The following TRHDE variants were observed in gnomAD, a reference collection of about 807,000 sequenced individuals.
The protein encoded by TRHDE is thyrotropin-releasing hormone-degrading ectoenzyme.
In TRHDE, 72 loss-of-function variants were observed where a neutral mutation model predicts 125.7. The ratio of observed to expected loss-of-function variants is 0.57; its 90% CI spans 0.47 to 0.70. The LOEUF is 0.70. Among genes scored for constraint, TRHDE ranks in the 30% least tolerant of loss-of-function variants. TRHDE has a pLI of 0.00. For synonymous variants in TRHDE, 509 were observed against 509.1 expected (o/e 1.00, Z 0.00); for missense variants, 1,110 against 1,327.1 (o/e 0.84, Z 2.54).
At chr12:72,143,840 C>T (rs1230147122) in intron 2 of TRHDE, among the ~76,000 whole-genome samples, 3 of 152,206 alleles carry the variant, frequency 2.0e-5, no homozygotes, top group Non-Finnish European at 2.9e-5. Context: ...GTCCAGATGA[C>T]AATATAGTAT....
intron 2 of TRHDE, among the ~76,000 whole-genome samples, chr12:72,171,356 G>T (rs1021164205): frequency 6.6e-6 from 1 of 152,190 alleles, no homozygotes; most frequent in East Asian, 1.9e-4. Flanking sequence ...GTATAAATGT[G>T]AGAAGGGCTC....
At chr12:72,171,830 C>T (rs1168074538) in intron 2 of TRHDE, among the ~76,000 whole-genome samples, 1 of 152,176 alleles carries the variant, frequency 6.6e-6, no homozygotes, top group Non-Finnish European at 1.5e-5. Flanking sequence ...ATATTGTCAC[C>T]TGTCCATGCC....
At chr12:72,197,715 T>C (rs1027791092) in intron 2 of TRHDE, among the ~76,000 whole-genome samples, 38 of 152,100 alleles carry the variant, frequency 2.5e-4, no homozygotes, top group African/African-American at 8.9e-4. Context: ...AGGGTCTTGA[T>C]ATTGTTCCCT....
chr12:72,252,756 C>T (rs1157264867), intron 2 of TRHDE, among the ~76,000 whole-genome samples: 1 of 152,030 alleles, frequency 6.6e-6, no homozygotes, highest in Admixed American at 6.6e-5. Flanking sequence ...TTGAGTCTTC[C>T]AATTTGTGAC....
intron 2 of TRHDE, among the ~76,000 whole-genome samples, chr12:72,189,732 C>A (rs1184200654): frequency 6.6e-6 from 1 of 152,162 alleles, no homozygotes; most frequent in South Asian, 2.1e-4. Context: ...ACATATCCCA[C>A]ATTTGGGAAT....
In TRHDE at chr12:72,470,450, T is replaced by G. The variant is rs1876587559; in HGVS notation, c.1470+538T>G. 2.6e-5 allele frequency among the ~76,000 whole-genome samples: 4 copies of G among 152,252 alleles called. No homozygotes were observed. The South Asian group carries it at 8.3e-4, about 31-fold the overall frequency. ...GTCTTGGCATGTTTAGAAATTCATA[T>G]GTAAATTTGCCAACTTTGTAGTGAA... On this transcript the variant is annotated intron_variant, in intron 4 of 18. Transcript: ENST00000261180.
intron 7 of TRHDE, among the ~76,000 whole-genome samples, chr12:72,561,383 A>G (rs1870169658): frequency 6.6e-6 from 1 of 152,240 alleles, no homozygotes; most frequent in African/African-American, 2.4e-5. Context: ...CTTTTACAAT[A>G]TAACACTATT....
At chr12:72,491,937 G>T (rs1055388094) in intron 5 of TRHDE, among the ~76,000 whole-genome samples, 1 of 151,946 alleles carries the variant, frequency 6.6e-6, no homozygotes, top group Non-Finnish European at 1.5e-5. Context: ...GGAGTCTTGT[G>T]ATCATGTACC....
intron 6 of TRHDE, among the ~76,000 whole-genome samples, chr12:72,502,777 T>C (rs1278125504): frequency 6.6e-6 from 1 of 152,190 alleles, no homozygotes; most frequent in Non-Finnish European, 1.5e-5. Context: ...ACTCACGTAG[T>C]ACCAAATCAA....
chr12:72,145,683 A>G (rs11179086), intron 2 of TRHDE, among the ~76,000 whole-genome samples: 11,159 of 152,188 alleles, frequency 0.073, 688 homozygotes, highest in African/African-American at 0.16. Flanking sequence ...CAAAGACCGA[A>G]TCCTTTCTGT....
intron 2 of TRHDE, among the ~76,000 whole-genome samples, chr12:72,368,342 G>C (rs1239807273): frequency 6.6e-6 from 1 of 152,074 alleles, no homozygotes; most frequent in Non-Finnish European, 1.5e-5. Context: ...TCTGACAACT[G>C]AATGTGTCTT....
intron 2 of TRHDE, chr12:72,255,459 C>G (rs1044395158): frequency 6.6e-6 from 1 of 152,228 alleles, no homozygotes; most frequent in Non-Finnish European, 1.5e-5. Context: ...TGAGTAGGTT[C>G]CCCAAGGTTC....
chr12:72,662,966 T>G, intron 18 of TRHDE, 86 bp from the exon 19 acceptor site: 3 of 1,384,982 alleles, frequency 2.2e-6, no homozygotes, highest in Non-Finnish European at 3.0e-6. Flanking sequence ...TTTTTTAATG[T>G]TTCAAATAGA....
intron 2 of TRHDE, among the ~76,000 whole-genome samples, chr12:72,186,781 C>CTTT (rs199825088): frequency 6.8e-6 from 1 of 147,226 alleles, no homozygotes; most frequent in African/African-American, 2.5e-5. Context: ...AGACATGGAT[C>CTTT]TTTTTTTTTT....
intron 2 of TRHDE, among the ~76,000 whole-genome samples, chr12:72,153,082 T>C (rs1455349668): frequency 6.6e-6 from 1 of 152,196 alleles, no homozygotes; most frequent in African/African-American, 2.4e-5. Context: ...GCTCCTGTTA[T>C]TGGTCTATTC....
intron 12 of TRHDE, among the ~76,000 whole-genome samples, chr12:72,580,928 T>C (rs1246328582): frequency 6.6e-6 from 1 of 151,938 alleles, no homozygotes; most frequent in Non-Finnish European, 1.5e-5. Flanking sequence ...CATTAAGGAG[T>C]AAAGAATTAG....
intron 6 of TRHDE, among the ~76,000 whole-genome samples, chr12:72,538,987 A>G (rs143715517): frequency 1.2e-3 from 182 of 151,882 alleles, no homozygotes; most frequent in African/African-American, 4.1e-3. Flanking sequence ...CTGTCTTTCC[A>G]TATAAACTTC....
At chr12:72,131,643 G>A (rs142648209) in intron 2 of TRHDE, among the ~76,000 whole-genome samples, 3 of 152,070 alleles carry the variant, frequency 2.0e-5, no homozygotes, top group East Asian at 3.9e-4. Context: ...CTCAAATATC[G>A]GTTATTCAAT....
At chr12:72,645,997 A>T (rs1422966107) in intron 15 of TRHDE, among the ~76,000 whole-genome samples, 1 of 152,130 alleles carries the variant, frequency 6.6e-6, no homozygotes, top group East Asian at 1.9e-4. Context: ...AAATAAAAGG[A>T]TGCTAAACAG....
Sources: allele counts gnomAD v4.1 joint callset (sites outside exome capture counted in the v4.1 genomes callset), GRCh38; gene constraint gnomAD v4.1.1; transcripts MANE v1.5; gene names NCBI Gene and HGNC (gene_info 2026-07-23, HGNC 2026-07-21).